Variants in CAPN14 observed in about 807,000 individuals in gnomAD.
CAPN14 encodes calpain-14.
In CAPN14, 94 loss-of-function variants were observed where a neutral mutation model predicts 101.3. The observed-to-expected ratio is 0.93, with a 90% CI of 0.79 to 1.10. The LOEUF (loss-of-function observed/expected upper bound fraction) is 1.10. CAPN14 is among the 50% of genes least tolerant of loss of function. The probability of loss-of-function intolerance (pLI) is 0.00; values close to 1 mark genes in which losing one functional copy is unlikely to be tolerated. For missense variants in CAPN14, 837 were observed against 828.4 expected (o/e 1.01, Z -0.13); for synonymous variants, 338 against 317.9 (o/e 1.06, Z -0.67).
At chr2:31,227,688 A>G (rs187810322) in intron 1 of CAPN14, among the ~76,000 whole-genome samples, 1 of 152,336 alleles carries the variant, frequency 6.6e-6, no homozygotes, top group Admixed American at 6.5e-5. Context: ...TTGTCATAAA[A>G]AGAGGTTTTA....
At chr2:31,188,445 G>A (rs566616119) in intron 13 of CAPN14, 91 bp from the exon 14 acceptor site, 95 of 1,158,718 alleles carry the variant, frequency 8.2e-5, no homozygotes, top group Middle Eastern at 1.9e-4. Flanking sequence ...CGTCTTCCAC[G>A]TTCCTTCACT....
chr2:31,210,988 A>T (rs116561465), intron 1 of CAPN14, among the ~76,000 whole-genome samples: 5,448 of 152,260 alleles, frequency 0.036, 107 homozygotes, highest in Non-Finnish European at 0.044. Context: ...GCACATCCGA[A>T]TTATTTTCCT....
rs572120933 is a variant in CAPN14 at position 31,202,071 on chromosome 2, G to C, written c.414+63C>G. Reference sequence around the variant, plus strand: ...TGATCAGCCCAGAAGGTGAAGACATGGTCCTCCAGGAACCCTTTTTCCTAT... The same window carrying C: ...TGATCAGCCCAGAAGGTGAAGACATCGTCCTCCAGGAACCCTTTTTCCTAT... On this transcript the variant is annotated intron_variant, in intron 4 of 21. Coordinates refer to ENST00000403897, the MANE Select transcript of CAPN14 (RefSeq NM_001145122.2). 34 of 1,549,688 alleles carry C rather than the reference G, an allele frequency of 2.2e-5. No homozygotes were observed. In the South Asian group the frequency reaches 3.7e-4, roughly 17 times the overall value.
Position 31,193,294 on chromosome 2 carries a change from C to G in CAPN14, c.951G>C (p.Trp317Cys). 1.3e-6 allele frequency: 2 copies of G among 1,551,428 alleles called. No homozygotes were observed. The highest frequency in any genetic ancestry group is 2.4e-5 in the South Asian group (2 of 84,044). The change falls in exon 10 of 22, where the codon TGG becomes TGC. Residue 317 changes from tryptophan to cysteine, a missense_variant and splice_region_variant. Coordinates refer to ENST00000403897, the MANE Select transcript of CAPN14 (RefSeq NM_001145122.2). ...GTGTTTTAAAGTCCTGCAGCGTCATCCTGTGGAGAGAAGAAGGAAAAGCAC... is the reference window on the plus strand; with the variant it reads ...GTGTTTTAAAGTCCTGCAGCGTCATGCTGTGGAGAGAAGAAGGAAAAGCAC... ...LLRKDNDGEF[W>C]MTLQDFKTHF...
chr2:31,182,975 A>T (rs1331200788), intron 16 of CAPN14, among the ~76,000 whole-genome samples: 2 of 152,158 alleles, frequency 1.3e-5, no homozygotes, highest in South Asian at 2.1e-4. Context: ...ATGGTACTGG[A>T]ACCAAAACAG....
chr2:31,213,143 G>A (rs1290666175), intron 1 of CAPN14, among the ~76,000 whole-genome samples: 3 of 152,182 alleles, frequency 2.0e-5, no homozygotes, highest in African/African-American at 7.2e-5. Context: ...CTGGGTTTGG[G>A]ATTGGAAAAC....
Position 31,189,485 on chromosome 2 carries a change from G to GT in CAPN14, c.1288-8dup. 1 of 1,549,148 alleles carries GT rather than the reference G, an allele frequency of 6.5e-7. No individual in the cohort carries two copies. The highest frequency in any genetic ancestry group is 8.7e-7 in the Non-Finnish European group (1 of 1,145,462). ...TCCTCTGGTCATCATGGTACTGTGG[G>GT]TAGAGGACAGAAGAACAGCAAGGGA... On this transcript the variant is annotated splice_polypyrimidine_tract_variant and splice_region_variant and intron_variant, in intron 12 of 21. Transcript: ENST00000403897.
In CAPN14 at chr2:31,199,512, C is replaced by G; in HGVS notation, c.747G>C (p.Gly249=). The G allele has an allele frequency of 6.4e-7, 1 of 1,551,572 alleles. No individual in the cohort carries two copies. The highest frequency in any genetic ancestry group is 8.7e-7 in the Non-Finnish European group (1 of 1,146,904). The change falls in exon 7 of 22, where the codon GGG becomes GGC. Residue 249 remains glycine, a synonymous_variant. Coordinates refer to ENST00000403897, the MANE Select transcript of CAPN14 (RefSeq NM_001145122.2). ...THSGEKILEN[G]LVEGHAYTLT... is the part of the protein sequence containing the mutation. ...GAGTATAGGCATGGCCTTCCACCAG[C>G]CCATTCTCCAGAATCTTCTCCTGCA...
chr2:31,191,610 G>C (rs1296408223), intron 11 of CAPN14, among the ~76,000 whole-genome samples: 1 of 152,178 alleles, frequency 6.6e-6, no homozygotes, highest in Non-Finnish European at 1.5e-5. Context: ...CTGGAAAAGA[G>C]GGAGGGAAAG....
chr2:31,182,299 ACTCCT>A (rs1680685426), intron 16 of CAPN14, among the ~76,000 whole-genome samples: 1 of 148,486 alleles, frequency 6.7e-6, no homozygotes, highest in Non-Finnish European at 1.5e-5. Flanking sequence ...CTCTCTCACC[ACTCCT>A]ATTCAACATA....
chr2:31,192,095 G>C lies in CAPN14; in HGVS notation c.1118C>G (p.Thr373Arg), dbSNP rs561901778. The C allele has an allele frequency of 7.8e-5, 120 of 1,547,734 alleles. 1 individual carries two copies. In the South Asian group the frequency reaches 1.3e-3, roughly 17 times the overall value. Residue 373 changes from threonine to arginine, a missense_variant, in exon 11 of 22, where the codon ACA becomes AGA. Thr to Arg is a moderately conservative substitution (Grantham distance 71). Transcript: ENST00000403897. ...CAGGAACTGCGGGTTCTTCCAAAAT[G>C]TGTCTGGAGCAGAACACAGCAAGGT... Reference protein sequence around the residue: ...AGGQRQLLQDTFWKNPQFLLS... With the variant: ...AGGQRQLLQDRFWKNPQFLLS...
intron 16 of CAPN14, 83 bp from the exon 17 acceptor site, chr2:31,181,083 A>G (rs1224549194): frequency 1.8e-6 from 2 of 1,094,022 alleles, no homozygotes; most frequent in African/African-American, 1.6e-5. Flanking sequence ...GCAGTGCTGC[A>G]TGGGCCAGCT....
At chr2:31,181,355 T>C (rs957644082) in intron 16 of CAPN14, among the ~76,000 whole-genome samples, 2 of 151,874 alleles carry the variant, frequency 1.3e-5, no homozygotes, top group African/African-American at 2.4e-5. Flanking sequence ...AACTGGGGGA[T>C]TCTTTCCTCA....
chr2:31,228,850 A>G (rs1683103057), intron 1 of CAPN14, among the ~76,000 whole-genome samples: 1 of 152,154 alleles, frequency 6.6e-6, no homozygotes, highest in Non-Finnish European at 1.5e-5. Flanking sequence ...CACACAGCAA[A>G]GACACGGGGA....
chr2:31,226,249 T>C (rs2148708778), intron 2 of CAPN14, among the ~76,000 whole-genome samples: 1 of 152,358 alleles, frequency 6.6e-6, no homozygotes, highest in African/African-American at 2.4e-5. Flanking sequence ...TATTTTTAAA[T>C]ATCCCACGCT....
intron 6 of CAPN14, 119 bp from the exon 7 acceptor site, chr2:31,199,651 TG>T: frequency 1.3e-6 from 1 of 744,908 alleles, no homozygotes; most frequent in Non-Finnish European, 2.2e-6. Context: ...GAGATAATCA[TG>T]GTATGGTACA....
At chr2:31,188,493 C>A in intron 13 of CAPN14, 139 bp from the exon 14 acceptor site, 1 of 712,010 alleles carries the variant, frequency 1.4e-6, no homozygotes. Flanking sequence ...TCACACCTCA[C>A]CTCCTGCTTC....
intron 1 of CAPN14, among the ~76,000 whole-genome samples, chr2:31,212,127 T>C (rs1682430106): frequency 6.6e-6 from 1 of 152,028 alleles, no homozygotes; most frequent in Admixed American, 6.6e-5. Context: ...TTGGCCAACA[T>C]GGCAAAACCC....
chr2:31,176,298 T>A (rs7570158), intron 21 of CAPN14, among the ~76,000 whole-genome samples: 1 of 152,122 alleles, frequency 6.6e-6, no homozygotes, highest in African/African-American at 2.4e-5. Context: ...GCTAAATAAG[T>A]GCTTGTCATA....
Sources: allele counts gnomAD v4.1 joint callset (sites outside exome capture counted in the v4.1 genomes callset), GRCh38; gene constraint gnomAD v4.1.1; transcripts MANE v1.5; gene names NCBI Gene and HGNC (gene_info 2026-07-23, HGNC 2026-07-21).